The following ARHGAP15 variants were observed in gnomAD, a reference collection of about 807,000 sequenced individuals.
ARHGAP15 encodes the protein Rho GTPase activating protein 15, also known as rho GTPase-activating protein 15.
ARHGAP15 carries 51 observed loss-of-function variants against 63.7 expected under a neutral mutation model. The observed-to-expected ratio is 0.80, with a 90% CI of 0.64 to 1.01. The LOEUF (loss-of-function observed/expected upper bound fraction) is 1.01. Among genes scored for constraint, ARHGAP15 ranks in the 50% least tolerant of loss-of-function variants. The pLI is 0.00. For missense variants in ARHGAP15, 560 were observed against 564.6 expected (o/e 0.99, Z 0.08); for synonymous variants, 191 against 193.8 (o/e 0.99, Z 0.12).
At chr2:143,540,738 G>A (rs978656503) in intron 10 of ARHGAP15, among the ~76,000 whole-genome samples, 3 of 152,150 alleles carry the variant, frequency 2.0e-5, no homozygotes, top group South Asian at 2.1e-4. Flanking sequence ...GTTTCTGCTG[G>A]GAGATCAGCT....
At chr2:143,394,661 T>C (rs1687682392) in intron 6 of ARHGAP15, among the ~76,000 whole-genome samples, 2 of 152,210 alleles carry the variant, frequency 1.3e-5, no homozygotes, top group African/African-American at 4.8e-5. Flanking sequence ...AAGCCATGTT[T>C]CAGGAATAGG....
intron 12 of ARHGAP15, among the ~76,000 whole-genome samples, chr2:143,630,490 G>A (rs139389990): frequency 2.5e-4 from 38 of 152,140 alleles, no homozygotes; most frequent in African/African-American, 6.5e-4. Context: ...TGACCTACTC[G>A]TGAGAGGAAA....
intron 8 of ARHGAP15, among the ~76,000 whole-genome samples, chr2:143,457,024 C>A (rs1690692663): frequency 6.6e-6 from 1 of 151,948 alleles, no homozygotes; most frequent in Non-Finnish European, 1.5e-5. Context: ...AAAACAAAAT[C>A]TCGAATCGTA....
rs70982879 is a variant in ARHGAP15 at position 143,673,758 on chromosome 2, GTATA to G, written c.1139-29638_1139-29635del. Among the ~76,000 whole-genome samples the G allele has an allele frequency of 3.0e-3, 67 of 22,130 alleles. 4 individuals are homozygous for G. Among genetic ancestry groups the G allele is most frequent in the Admixed American group, 6.6e-3 (8 of 1,204 alleles). 14.5% of individuals were successfully genotyped at this position (22,130 alleles called of 152,430 possible). ...TGTGTGTGTGTGTGTGTGTGTGTGT[GTATA>G]TATATATATATATATATATATAAAC... is the stretch of plus-strand genomic sequence containing the variant. On this transcript the variant is annotated intron_variant, in intron 12 of 13. Transcript: ENST00000295095.
At chr2:143,682,355 TAAAAC>T (rs973220562) in intron 12 of ARHGAP15, among the ~76,000 whole-genome samples, 2 of 151,920 alleles carry the variant, frequency 1.3e-5, no homozygotes, top group African/African-American at 4.8e-5. Context: ...TTATAACACT[TAAAAC>T]AAAAATGTGA....
chr2:143,325,746 A>G (rs1321493628), intron 6 of ARHGAP15, among the ~76,000 whole-genome samples: 2 of 152,124 alleles, frequency 1.3e-5, no homozygotes, highest in East Asian at 1.9e-4. Context: ...CTTTCCATGG[A>G]ATGTACATTT....
At chr2:143,379,487 A>ATATATGTGTGTGTG (rs1202571594) in intron 6 of ARHGAP15, among the ~76,000 whole-genome samples, 156 of 129,830 alleles carry the variant, frequency 1.2e-3, no homozygotes, top group African/African-American at 4.3e-3. Context: ...AGGCATATAT[A>ATATATGTGTGTGTG]TGTGTGTGTG....
At position 143,425,243 on chromosome 2, in the gene ARHGAP15, G is replaced by A. The variant is rs937044171; in HGVS notation, c.475-10358G>A. On this transcript the variant is annotated intron_variant, in intron 6 of 13. Transcript: ENST00000295095. ...CTCCTTATTAGGTGGGTGGCCTGTT[G>A]CTCAATTGACAGATGTCATTGTCTA... 8.5e-5 allele frequency among the ~76,000 whole-genome samples: 13 copies of A among 152,080 alleles called. No homozygotes were observed. The East Asian group carries it at 1.4e-3, about 16-fold the overall frequency.
At chr2:143,474,145 G>T (rs142678678) in intron 8 of ARHGAP15, among the ~76,000 whole-genome samples, 19 of 152,164 alleles carry the variant, frequency 1.2e-4, no homozygotes, top group African/African-American at 3.6e-4. Context: ...GGGTGTCCTG[G>T]CATTCAGCAA....
chr2:143,142,792 G>T (rs571435297), intron 1 of ARHGAP15, among the ~76,000 whole-genome samples: 1 of 152,108 alleles, frequency 6.6e-6, no homozygotes, highest in East Asian at 1.9e-4. Context: ...TGTAGCTGGG[G>T]CTTGGTTGCA....
At chr2:143,227,438 G>A (rs574746734) in intron 4 of ARHGAP15, among the ~76,000 whole-genome samples, 99 of 152,134 alleles carry the variant, frequency 6.5e-4, no homozygotes, top group African/African-American at 2.3e-3. Context: ...CTACCATCTC[G>A]AGGCTCATTT....
At chr2:143,201,353 T>A (rs537526367) in intron 2 of ARHGAP15, among the ~76,000 whole-genome samples, 105 of 152,116 alleles carry the variant, frequency 6.9e-4, no homozygotes, top group African/African-American at 2.5e-3. Context: ...CTTTTTAAAT[T>A]TAATGTTCCA....
intron 13 of ARHGAP15, among the ~76,000 whole-genome samples, chr2:143,735,391 A>G (rs1685704931): frequency 6.6e-6 from 1 of 152,212 alleles, no homozygotes; most frequent in African/African-American, 2.4e-5. Flanking sequence ...GGTATTGCAT[A>G]GAATTTGTTT....
At position 143,504,569 on chromosome 2, in the gene ARHGAP15, C is replaced by T. The variant is rs535410356; in HGVS notation, c.827-14697C>T. ...GTGGGAATGAACAGAGTAACACTGA[C>T]CTTACAGCACAAATGTCCCAAGTCA... On this transcript the variant is annotated intron_variant, in intron 9 of 13. Coordinates refer to ENST00000295095, the MANE Select transcript of ARHGAP15 (RefSeq NM_018460.4). 3.8e-4 allele frequency among the ~76,000 whole-genome samples: 58 copies of T among 152,326 alleles called. 1 individual carries two copies. The highest frequency in any genetic ancestry group is 6.0e-4 in the Non-Finnish European group (41 of 68,034).
intron 2 of ARHGAP15, among the ~76,000 whole-genome samples, chr2:143,201,516 T>G (rs1692116788): frequency 6.6e-6 from 1 of 152,026 alleles, no homozygotes; most frequent in Non-Finnish European, 1.5e-5. Flanking sequence ...GTGTTCTCAC[T>G]CATTTGGGGG....
chr2:143,406,345 C>A (rs1310799365), intron 6 of ARHGAP15, among the ~76,000 whole-genome samples: 2 of 151,872 alleles, frequency 1.3e-5, no homozygotes, highest in African/African-American at 2.4e-5. Flanking sequence ...AGAATGGATT[C>A]TTTTCAGCTA....
chr2:143,435,766 G>A (rs2105090291), intron 7 of ARHGAP15, 67 bp downstream of exon 7: 2 of 1,454,168 alleles, frequency 1.4e-6, no homozygotes, highest in South Asian at 1.2e-5. Flanking sequence ...TATTGCTCAG[G>A]CATATAACAC....
At chr2:143,360,761 C>G (rs191532331) in intron 6 of ARHGAP15, among the ~76,000 whole-genome samples, 1 of 152,144 alleles carries the variant, frequency 6.6e-6, no homozygotes. Context: ...GAGTTAAGTA[C>G]TAATAAATAG....
intron 2 of ARHGAP15, among the ~76,000 whole-genome samples, chr2:143,192,351 T>A (rs1237057793): frequency 6.6e-6 from 1 of 152,232 alleles, no homozygotes; most frequent in Non-Finnish European, 1.5e-5. Context: ...AGAAAGATCA[T>A]GCCTACACAT....
Sources: gnomAD v4.1 joint callset for allele counts (sites outside exome capture counted in the v4.1 genomes callset) on GRCh38, gnomAD v4.1.1 for gene constraint, MANE v1.5 for transcripts, NCBI Gene and HGNC (gene_info 2026-07-23, HGNC 2026-07-21) for gene names.